The following SMG6 variants were observed in gnomAD, a reference collection of about 807,000 sequenced individuals.
The protein encoded by SMG6 is SMG6 nonsense mediated mRNA decay factor, also known as telomerase-binding protein EST1A.
In SMG6, 66 loss-of-function variants were observed where a neutral mutation model predicts 142.2. That is an observed-to-expected ratio of 0.46 (90% CI 0.38 to 0.57). The LOEUF is 0.57. Ranked by LOEUF, SMG6 falls within the 20% of genes least tolerant of loss-of-function variation. The pLI is 0.00. For synonymous variants in SMG6, 779 were observed against 702.4 expected, an observed-to-expected ratio of 1.11 and a Z score of -1.72; for missense variants, 1,793 against 1,832.0, an observed-to-expected ratio of 0.98 and a Z score of 0.39.
chr17:2,236,610 C>T lies in SMG6; in HGVS notation c.2751G>A (p.Glu917=). 6.2e-7 allele frequency: 1 copy of T among 1,613,352 alleles called. No individual in the cohort carries two copies. The highest frequency in any genetic ancestry group is 8.5e-7 in the Non-Finnish European group (1 of 1,179,710). Residue 917 remains glutamate, a synonymous_variant, in exon 10 of 19, where the codon GAG becomes GAA. Transcript: ENST00000263073. ...IGMETFPAVA[E]KVLKEFQVLL... is the part of the protein sequence containing the mutation. ...ACACCTGGAACTCCTTGAGGACCTTCTCAGCCACTGCAGGGAATGTCTCCA... is the reference window on the plus strand; with the variant it reads ...ACACCTGGAACTCCTTGAGGACCTTTTCAGCCACTGCAGGGAATGTCTCCA...
intron 8 of SMG6, among the ~76,000 whole-genome samples, chr17:2,245,615 C>A (rs571407915): frequency 2.6e-5 from 4 of 152,292 alleles, no homozygotes; most frequent in South Asian, 4.1e-4. Flanking sequence ...CAACTCCTGG[C>A]CTCAAGTGAT....
Position 2,244,647 on chromosome 17 carries a change from T to C in SMG6, c.2723+11A>G, listed in dbSNP as rs1184378134. ...ATGTAGGAAAATAAAATAAACATCC[T>C]GCACACTTACCCAATCCGGGTAAAC... is the stretch of plus-strand genomic sequence containing the variant. On this transcript the variant is annotated intron_variant, in intron 9 of 18. Coordinates refer to ENST00000263073, the MANE Select transcript of SMG6 (RefSeq NM_017575.5). 1.9e-6 allele frequency: 3 copies of C among 1,605,952 alleles called. No homozygotes were observed. The highest frequency in any genetic ancestry group is 1.1e-5 in the South Asian group (1 of 90,894).
rs539957800 is a variant in SMG6, at chr17:2,176,576, G to A, written c.3156-3717C>T. Reference sequence around the variant, plus strand: ...AAAGTTAGGGTGGACTGTTCACCAAGCAGACACAAAGCAGCCAGAGAATAC... The same window carrying A: ...AAAGTTAGGGTGGACTGTTCACCAAACAGACACAAAGCAGCCAGAGAATAC... On this transcript the variant is annotated intron_variant, in intron 12 of 18. Coordinates refer to ENST00000263073, the MANE Select transcript of SMG6 (RefSeq NM_017575.5). 3.2e-4 allele frequency among the ~76,000 whole-genome samples: 49 copies of A among 152,264 alleles called. 1 individual carries two copies. The South Asian group carries it at 8.5e-3, about 26-fold the overall frequency.
At chr17:2,303,217 T>C (rs2075325129) in intron 1 of SMG6, 4 of 985,442 alleles carry the variant, frequency 4.1e-6, no homozygotes, top group Non-Finnish European at 4.8e-6. Context: ...CCCCAATTCC[T>C]TCTCTCCGAC....
chr17:2,171,356 A>AGTGTGT (rs10601842), intron 13 of SMG6, among the ~76,000 whole-genome samples: 63 of 149,488 alleles, frequency 4.2e-4, no homozygotes, highest in East Asian at 5.9e-4. Flanking sequence ...AAAATGAAAG[A>AGTGTGT]GTGTGTGTGT....
At chr17:2,233,391 TTCACCACAGAC>T (rs2073555202) in intron 10 of SMG6, 1 of 152,340 alleles carries the variant, frequency 6.6e-6, no homozygotes, top group Non-Finnish European at 1.5e-5. Flanking sequence ...TGACTGCCAA[TTCACCACAGAC>T]CCCAGTACCT....
intron 17 of SMG6, 149 bp downstream of exon 17, chr17:2,065,319 C>G (rs1386162670): frequency 2.1e-6 from 2 of 953,118 alleles, no homozygotes; most frequent in Non-Finnish European, 3.2e-6. Context: ...CTACGAGTGA[C>G]TTAGGGGAGA....
chr17:2,236,456 T>C (rs763802942), intron 10 of SMG6, 36 bp downstream of exon 10: 24 of 1,599,548 alleles, frequency 1.5e-5, no homozygotes, highest in Non-Finnish European at 2.0e-5. Flanking sequence ...TCTCTATCTG[T>C]CTATATTCTA....
Position 2,085,587 on chromosome 17 carries a change from T to C in SMG6, c.3534+138A>G. The C allele has an allele frequency of 2.3e-6, 2 of 875,474 alleles. No homozygotes were observed. The highest frequency in any genetic ancestry group is 2.4e-5 in the Admixed American group (1 of 41,534). The allele number at this position is 875,474 out of a possible 1,614,324, so 54.2% of individuals were successfully genotyped here. ...AGGAAGGGGCACCATCAGAGCACAC[T>C]CTCGAGAAGCTGGCTGGTCACATTA... On this transcript the variant is annotated intron_variant, in intron 14 of 18. Transcript: ENST00000263073. The surrounding 1 kb of genome is among the most constrained non-coding windows in gnomAD (Gnocchi z 4.1).
At chr17:2,075,425 G>A (rs1477108595) in intron 15 of SMG6, among the ~76,000 whole-genome samples, 1 of 152,198 alleles carries the variant, frequency 6.6e-6, no homozygotes, top group African/African-American at 2.4e-5. Context: ...GTGGCCAGAG[G>A]AAGAGCCTGT....
intron 10 of SMG6, among the ~76,000 whole-genome samples, chr17:2,226,601 A>G (rs1343042700): frequency 7.0e-6 from 1 of 142,878 alleles, no homozygotes; most frequent in Non-Finnish European, 1.6e-5. Flanking sequence ...CAAACAAACA[A>G]AAAAAAAACA....
chr17:2,169,194 G>A lies in SMG6; in HGVS notation c.3357+3464C>T, dbSNP rs994567796. ...TGAGGCAACAGAATCGCTTGAACCC[G>A]GGAGAAAGAGGTCCCGCAGAGGCGG... On this transcript the variant is annotated intron_variant, in intron 13 of 18. Transcript: ENST00000263073. 3.3e-5 allele frequency among the ~76,000 whole-genome samples: 5 copies of A among 151,942 alleles called. No individual in the cohort carries two copies. The South Asian group carries it at 8.3e-4, about 25-fold the overall frequency.
intron 13 of SMG6, chr17:2,127,996 C>T (rs1435682374): frequency 8.1e-6 from 4 of 493,412 alleles, no homozygotes; most frequent in African/African-American, 2.0e-5. Context: ...CACTAAGGAA[C>T]GAGTGTCAAA....
chr17:2,228,477 T>G (rs1685543042), intron 10 of SMG6, among the ~76,000 whole-genome samples: 1 of 152,146 alleles, frequency 6.6e-6, no homozygotes, highest in African/African-American at 2.4e-5. Context: ...TCCACCCGCC[T>G]CAGCCTCCCA....
intron 12 of SMG6, among the ~76,000 whole-genome samples, chr17:2,180,544 C>CTCA (rs1447599963): frequency 6.6e-6 from 1 of 152,204 alleles, no homozygotes; most frequent in Non-Finnish European, 1.5e-5. Flanking sequence ...CAACGATACT[C>CTCA]TCATCATCAT....
chr17:2,121,587 CTGTGTGTGTG>C (rs71150850), intron 13 of SMG6, among the ~76,000 whole-genome samples: 16,033 of 138,946 alleles, frequency 0.12, 1,269 homozygotes, highest in East Asian at 0.21. Flanking sequence ...ACATGTCTGT[CTGTGTGTGTG>C]TGTGTGTGTG....
At position 2,299,794 on chromosome 17, in the gene SMG6, C is replaced by A; in HGVS notation, c.959G>T (p.Ser320Ile). ...DEPDGLGPRR[S>I]SERKRHLERN... Reference sequence around the variant, plus strand: ...TTCTAAATGTCTCTTCCTTTCTGAACTTCTCCTGGGTCCTAATCCATCAGG... The same window carrying A: ...TTCTAAATGTCTCTTCCTTTCTGAAATTCTCCTGGGTCCTAATCCATCAGG... Residue 320 changes from serine (S) to isoleucine (I), a missense_variant, in exon 2 of 19, where the codon AGT becomes ATT. Transcript: ENST00000263073. This position sits in a 1 kb window ranked among gnomAD's most constrained non-coding sequence, Gnocchi z 4.3. 4 of 1,614,236 alleles carry A rather than the reference C, an allele frequency of 2.5e-6. No individual in the cohort carries two copies. Among genetic ancestry groups the A allele is most frequent in the Non-Finnish European group, 3.4e-6 (4 of 1,180,046 alleles).
rs188366876 is a variant in SMG6, at chr17:2,151,667, C to A, written c.3357+20991G>T. On this transcript the variant is annotated intron_variant, in intron 13 of 18. Coordinates refer to ENST00000263073, the MANE Select transcript of SMG6 (RefSeq NM_017575.5). The stretch of plus-strand genomic sequence containing the variant: ...GCTGCTTAAGAAAAACATCTTAACA[C>A]GGATCAGCAATTAAAAAGTGACAAG... Among the ~76,000 whole-genome samples the A allele has an allele frequency of 2.0e-5, 3 of 152,222 alleles. No individual in the cohort carries two copies. The East Asian group carries it at 5.8e-4, about 29-fold the overall frequency.
rs1169314896 is a variant in SMG6 at position 2,071,053 on chromosome 17, ATCTG to A, written c.3682-2126_3682-2123del. ...GCTCTCCTGGTACCGTGGCTCTCAA[ATCTG>A]TCTTTCTGGGTGAGCAGGGACAGAA... On this transcript the variant is annotated intron_variant, in intron 15 of 18. Coordinates refer to ENST00000263073, the MANE Select transcript of SMG6 (RefSeq NM_017575.5). This position sits in a 1 kb window ranked among gnomAD's most constrained non-coding sequence, Gnocchi z 5.6. Among the ~76,000 whole-genome samples the A allele has an allele frequency of 1.3e-5, 2 of 152,092 alleles. No individual in the cohort carries two copies. The highest frequency in any genetic ancestry group is 2.4e-5 in the African/African-American group (1 of 41,404).
Sources: gnomAD v4.1 joint callset for allele counts (sites outside exome capture counted in the v4.1 genomes callset) on GRCh38, gnomAD v4.1.1 for gene constraint, Gnocchi (gnomAD v3.1) non-coding constraint, MANE v1.5 for transcripts, NCBI Gene and HGNC (gene_info 2026-07-23, HGNC 2026-07-21) for gene names.